TLN2: variants seen among roughly 807,000 people sequenced by gnomAD.
TLN2 encodes the protein talin-2.
In TLN2, 118 loss-of-function variants were observed where a neutral mutation model predicts 294.7. The observed-to-expected ratio is 0.40, with a 90% CI of 0.34 to 0.47. The LOEUF (loss-of-function observed/expected upper bound fraction) is 0.47. Among genes scored for constraint, TLN2 ranks in the 20% least tolerant of loss-of-function variants. The probability of loss-of-function intolerance (pLI) is 0.84; values close to 1 mark genes in which losing one functional copy is unlikely to be tolerated. For synonymous variants in TLN2, 1,431 were observed against 1,304.5 expected (o/e 1.10, Z -2.09); for missense variants, 3,083 against 3,282.2 (o/e 0.94, Z 1.48).
chr15:62,538,604 G>A (rs2041496315), intron 1 of TLN2, among the ~76,000 whole-genome samples: 1 of 152,090 alleles, frequency 6.6e-6, no homozygotes, highest in Admixed American at 6.5e-5. Context: ...TTCCTCCTTG[G>A]TTTTAGATTT....
chr15:62,473,406 G>A (rs1173973333), intron 1 of TLN2, among the ~76,000 whole-genome samples: 1 of 151,930 alleles, frequency 6.6e-6, no homozygotes, highest in African/African-American at 2.4e-5. Context: ...CAAAATGTAG[G>A]TGTAATTTAA....
chr15:62,535,243 A>G (rs1489379429), intron 1 of TLN2, among the ~76,000 whole-genome samples: 1 of 152,168 alleles, frequency 6.6e-6, no homozygotes, highest in Admixed American at 6.5e-5. Flanking sequence ...CTGGCACTCA[A>G]GTGCCACTGG....
chr15:62,737,169 C>T lies in TLN2; in HGVS notation c.3567+83C>T, dbSNP rs2061067202. ...GTCGGGCTGTCTCCTGGGCACTTTT[C>T]CCTGATATGAACACTGACACAGCAG... On this transcript the variant is annotated intron_variant, in intron 29 of 58. Coordinates refer to ENST00000636159, the MANE Select transcript of TLN2 (RefSeq NM_015059.3). 2.1e-6 allele frequency: 3 copies of T among 1,418,328 alleles called. No individual in the cohort carries two copies. In the African/African-American group the frequency reaches 4.2e-5, roughly 20 times the overall value. The allele number at this position is 1,418,328 out of a possible 1,614,324, so 87.9% of individuals were successfully genotyped here. A position where few individuals can be genotyped will look rare whatever the true frequency, so the allele number is the denominator to read the frequency against.
intron 27 of TLN2, among the ~76,000 whole-genome samples, chr15:62,726,421 A>T (rs1008422185): frequency 9.9e-5 from 15 of 152,194 alleles, no homozygotes; most frequent in Admixed American, 9.8e-4. Flanking sequence ...TCAAATAATT[A>T]TCCATACCCT....
chr15:62,470,837 T>C (rs2037426879), intron 1 of TLN2, among the ~76,000 whole-genome samples: 1 of 152,206 alleles, frequency 6.6e-6, no homozygotes, highest in Non-Finnish European at 1.5e-5. Flanking sequence ...AGAGAGAACA[T>C]ATCAAGACAA....
chr15:62,625,515 T>C (rs2049203393), intron 3 of TLN2, among the ~76,000 whole-genome samples: 1 of 152,058 alleles, frequency 6.6e-6, no homozygotes, highest in African/African-American at 2.4e-5. Flanking sequence ...CGAGATGGTC[T>C]TGGAGGTTTC....
At chr15:62,598,874 G>T (rs899301940) in intron 2 of TLN2, among the ~76,000 whole-genome samples, 1 of 152,016 alleles carries the variant, frequency 6.6e-6, no homozygotes, top group Non-Finnish European at 1.5e-5. Flanking sequence ...GGTGCCCTGG[G>T]CGATGGGACC....
chr15:62,392,672 G>C (rs895432488), intron 1 of TLN2, among the ~76,000 whole-genome samples: 1 of 152,144 alleles, frequency 6.6e-6, no homozygotes, highest in Non-Finnish European at 1.5e-5. Flanking sequence ...CCGAAATGAT[G>C]TCATAGTATT....
Position 62,772,667 on chromosome 15 carries a change from A to AT in TLN2, c.5367+1545dup, listed in dbSNP as rs60889314. Among the ~76,000 whole-genome samples, 684 of 129,306 alleles carry AT rather than the reference A, an allele frequency of 5.3e-3. 6 individuals are homozygous for AT. Among genetic ancestry groups the AT allele is most frequent in the African/African-American group, 0.019 (588 of 30,878 alleles). 84.8% of individuals were successfully genotyped at this position (129,306 alleles called of 152,430 possible). A position where few individuals can be genotyped will look rare whatever the true frequency, so the allele number is the denominator to read the frequency against. Reference sequence around the variant, plus strand: ...AGGAGTTTTCTGGATTTATTTATTTATTTTTTTTTTTTGAGACAGAGTTTT... The same window carrying AT: ...AGGAGTTTTCTGGATTTATTTATTTATTTTTTTTTTTTTGAGACAGAGTTTT... On this transcript the variant is annotated intron_variant, in intron 42 of 58. Transcript: ENST00000636159.
In TLN2 at chr15:62,657,653, G is replaced by A. The variant is rs1285493199; in HGVS notation, c.661-118G>A. On this transcript the variant is annotated intron_variant, in intron 8 of 58. Coordinates refer to ENST00000636159, the MANE Select transcript of TLN2 (RefSeq NM_015059.3). ...CTGTGTCCTGCACATGTCACCGTGG[G>A]TTGGCTGGCACTGTCCCCTGCTCCA... The A allele has an allele frequency of 2.1e-6, 3 of 1,434,304 alleles. No homozygotes were observed. In the Admixed American group the frequency reaches 7.7e-5, roughly 37 times the overall value. 88.8% of individuals were successfully genotyped at this position (1,434,304 alleles called of 1,614,324 possible).
chr15:62,678,132 A>G (rs910114986), intron 11 of TLN2, among the ~76,000 whole-genome samples: 29 of 152,168 alleles, frequency 1.9e-4, no homozygotes, highest in Non-Finnish European at 4.0e-4. Flanking sequence ...TAAATATTCA[A>G]ATTGTTATTA....
Position 62,776,874 on chromosome 15 carries a change from G to C in TLN2, c.5478G>C (p.Gly1826=), listed in dbSNP as rs2063753024. Reference sequence around the variant, plus strand: ...CTGCCAGTGAAGTGGGGCTGGTTGGGGGCATGGTGGACGCCATTGCAGAAG... The same window carrying C: ...CTGCCAGTGAAGTGGGGCTGGTTGGCGGCATGGTGGACGCCATTGCAGAAG... ...NEAASEVGLV[G]GMVDAIAEAM... is the part of the protein sequence containing the mutation. Residue 1826 remains glycine (G), a synonymous_variant, in exon 43 of 59, where the codon GGG becomes GGC. Transcript: ENST00000636159. 1 of 1,593,376 alleles carries C rather than the reference G, an allele frequency of 6.3e-7. No individual in the cohort carries two copies. Among genetic ancestry groups the C allele is most frequent in the Non-Finnish European group, 8.6e-7 (1 of 1,169,434 alleles).
chr15:62,693,010 G>C, intron 13 of TLN2, 69 bp downstream of exon 13: 1 of 1,364,572 alleles, frequency 7.3e-7, no homozygotes, highest in Non-Finnish European at 1.0e-6. Context: ...CGATGACGTG[G>C]CTACCTTGAA....
intron 1 of TLN2, among the ~76,000 whole-genome samples, chr15:62,405,720 T>C (rs2033354081): frequency 1.3e-5 from 2 of 151,956 alleles, no homozygotes; most frequent in Non-Finnish European, 2.9e-5. Flanking sequence ...GAGAAGCTGG[T>C]GGGGAACCAG....
At chr15:62,398,242 C>T (rs1023932882) in intron 1 of TLN2, among the ~76,000 whole-genome samples, 156 of 152,264 alleles carry the variant, frequency 1.0e-3, no homozygotes, top group East Asian at 3.9e-4. Flanking sequence ...CCTTTTACCC[C>T]TTTGCTTGGC....
chr15:62,451,433 A>G (rs1007653585), intron 1 of TLN2, among the ~76,000 whole-genome samples: 10 of 152,106 alleles, frequency 6.6e-5, no homozygotes, highest in African/African-American at 1.9e-4. Flanking sequence ...GAGGCGGGTG[A>G]ATCACAAGGT....
chr15:62,560,091 G>C (rs1298036369), intron 1 of TLN2, among the ~76,000 whole-genome samples: 1 of 152,210 alleles, frequency 6.6e-6, no homozygotes, highest in Non-Finnish European at 1.5e-5. Context: ...TGCCTAGATG[G>C]CTTCGGGAAA....
chr15:62,662,822 GTT>G (rs772448730), intron 9 of TLN2, among the ~76,000 whole-genome samples: 2 of 108,232 alleles, frequency 1.8e-5, no homozygotes, highest in South Asian at 3.2e-4. Flanking sequence ...GATTGAGAGA[GTT>G]TTTTTTTTTT....
At chr15:62,677,739 A>AT (rs5813159) in intron 11 of TLN2, among the ~76,000 whole-genome samples, 335 of 99,472 alleles carry the variant, frequency 3.4e-3, no homozygotes, top group African/African-American at 0.01. Flanking sequence ...CTTTCTCTTT[A>AT]TTTTTTTTTA....
Sources: allele counts gnomAD v4.1 joint callset (sites outside exome capture counted in the v4.1 genomes callset), GRCh38; gene constraint gnomAD v4.1.1; transcripts MANE v1.5; gene names NCBI Gene and HGNC (gene_info 2026-07-23, HGNC 2026-07-21).